FGF10: variants seen among roughly 807,000 people sequenced by gnomAD.
FGF10 encodes fibroblast growth factor 10.
In FGF10, 2 loss-of-function variants were observed where a neutral mutation model predicts 19.8. That is an observed-to-expected ratio of 0.10 (90% CI 0.04 to 0.32). The LOEUF (loss-of-function observed/expected upper bound fraction) is 0.32. Ranked by LOEUF, FGF10 falls within the 10% of genes least tolerant of loss-of-function variation. FGF10 has a pLI of 1.00. For synonymous variants in FGF10, 112 were observed against 94.0 expected (o/e 1.19, Z -1.10); for missense variants, 191 against 246.3 (o/e 0.78, Z 1.50).
At chr5:44,361,937 C>T (rs1277966271) in intron 1 of FGF10, among the ~76,000 whole-genome samples, 1 of 151,606 alleles carries the variant, frequency 6.6e-6, no homozygotes, top group Non-Finnish European at 1.5e-5. Flanking sequence ...TCAACTGCTC[C>T]CTTTACCAGA....
intron 1 of FGF10, among the ~76,000 whole-genome samples, chr5:44,379,588 A>G (rs1174467568): frequency 1.3e-5 from 2 of 152,176 alleles, no homozygotes; most frequent in Non-Finnish European, 2.9e-5. Flanking sequence ...CCTCTTTAGC[A>G]GGAACTGGGA....
rs17234015 is a variant in FGF10, at chr5:44,372,263, A to C, written c.325+16095T>G. Among the ~76,000 whole-genome samples the C allele has an allele frequency of 8.6e-5, 13 of 152,036 alleles. 1 individual carries two copies. In the East Asian group the frequency reaches 2.3e-3, roughly 27 times the overall value. ...TTCCTTGGCTCATGGCCTTACCACTATGTTGAAAGCCAACAGTGTAGCATC... is the reference window on the plus strand; with the variant it reads ...TTCCTTGGCTCATGGCCTTACCACTCTGTTGAAAGCCAACAGTGTAGCATC... On this transcript the variant is annotated intron_variant, in intron 1 of 2. Coordinates refer to ENST00000264664, the MANE Select transcript of FGF10 (RefSeq NM_004465.2).
intron 1 of FGF10, among the ~76,000 whole-genome samples, chr5:44,344,194 A>G (rs1741032764): frequency 6.6e-6 from 1 of 151,938 alleles, no homozygotes; most frequent in Non-Finnish European, 1.5e-5. Flanking sequence ...GAAAACACAG[A>G]AAAGCTGTCA....
At chr5:44,323,560 A>T in intron 1 of FGF10, among the ~76,000 whole-genome samples, 1 of 152,164 alleles carries the variant, frequency 6.6e-6, no homozygotes, top group East Asian at 1.9e-4. Context: ...TGATATTAGA[A>T]TCCAACATAT....
chr5:44,369,504 A>AAAG (rs1741697679), intron 1 of FGF10, among the ~76,000 whole-genome samples: 1 of 152,104 alleles, frequency 6.6e-6, no homozygotes, highest in African/African-American at 2.4e-5. Flanking sequence ...TCAATCCCTA[A>AAAG]AAGTTTGTTT....
At chr5:44,339,882 G>A (rs4866893) in intron 1 of FGF10, among the ~76,000 whole-genome samples, 81,840 of 151,956 alleles carry the variant, frequency 0.54, 24,083 homozygotes, top group Non-Finnish European at 0.67. Flanking sequence ...CTTATACATT[G>A]CTTTAAATTA....
At chr5:44,358,596 T>A (rs1293335833) in intron 1 of FGF10, among the ~76,000 whole-genome samples, 1 of 151,512 alleles carries the variant, frequency 6.6e-6, no homozygotes, top group East Asian at 1.9e-4. Flanking sequence ...GAGTGTCAAC[T>A]GATGTGGATT....
At chr5:44,362,328 C>T (rs541279427) in intron 1 of FGF10, among the ~76,000 whole-genome samples, 1 of 151,536 alleles carries the variant, frequency 6.6e-6, no homozygotes, top group Non-Finnish European at 1.5e-5. Context: ...GAATTGACAC[C>T]ATTCCTTTCC....
chr5:44,373,810 C>G (rs1741796741), intron 1 of FGF10, among the ~76,000 whole-genome samples: 2 of 152,142 alleles, frequency 1.3e-5, no homozygotes, highest in Admixed American at 1.3e-4. Flanking sequence ...TAACAGAAGT[C>G]TGTTTAAAGA....
At chr5:44,325,405 C>A (rs4410645) in intron 1 of FGF10, among the ~76,000 whole-genome samples, 63,060 of 151,614 alleles carry the variant, frequency 0.42, 13,923 homozygotes, top group African/African-American at 0.55. Context: ...AAAGGATTAT[C>A]AATCATGCTG....
rs187023425 is a variant in FGF10, at chr5:44,300,620, G to A, written c.*4375C>T. 6.6e-4 allele frequency among the ~76,000 whole-genome samples: 101 copies of A among 152,288 alleles called. No homozygotes were observed. The Middle Eastern group carries it at 0.01, about 15-fold the overall frequency. ...AACAGGTGAAGAATAATTGGAATTG[G>A]TGGGAAATATAGGAATAGAAAATGT... On this transcript the variant is annotated 3_prime_UTR_variant, in exon 3 of 3. Coordinates refer to ENST00000264664, the MANE Select transcript of FGF10 (RefSeq NM_004465.2).
chr5:44,382,021 T>C (rs1225843510), intron 1 of FGF10, among the ~76,000 whole-genome samples: 1 of 152,198 alleles, frequency 6.6e-6, no homozygotes, highest in Non-Finnish European at 1.5e-5. Context: ...AATTATTCAT[T>C]AATAATGCAC....
chr5:44,319,278 A>G (rs1740426775), intron 1 of FGF10, among the ~76,000 whole-genome samples: 1 of 152,224 alleles, frequency 6.6e-6, no homozygotes, highest in Admixed American at 6.5e-5. Flanking sequence ...ATTTTAATAA[A>G]TGATCAACAT....
chr5:44,347,481 A>G (rs1400809833), intron 1 of FGF10, among the ~76,000 whole-genome samples: 5 of 151,784 alleles, frequency 3.3e-5, no homozygotes, highest in Non-Finnish European at 7.4e-5. Flanking sequence ...ATCTTAGGGC[A>G]GTATGAATAG....
chr5:44,345,230 G>T (rs1741060819), intron 1 of FGF10, among the ~76,000 whole-genome samples: 2 of 151,536 alleles, frequency 1.3e-5, no homozygotes, highest in Admixed American at 1.3e-4. Context: ...ATATACTGCT[G>T]GAAAATAATG....
At chr5:44,342,581 A>C in intron 1 of FGF10, among the ~76,000 whole-genome samples, 1 of 151,862 alleles carries the variant, frequency 6.6e-6, no homozygotes, top group East Asian at 1.9e-4. Context: ...CGTATAGGTT[A>C]AGCACTCTAG....
chr5:44,382,695 CCTT>C (rs1466306164), intron 1 of FGF10, among the ~76,000 whole-genome samples: 1 of 152,028 alleles, frequency 6.6e-6, no homozygotes, highest in Non-Finnish European at 1.5e-5. Context: ...AGATTTAAAT[CCTT>C]CTGCATAAAT....
rs145362045 is a variant in FGF10, at chr5:44,347,725, C to CA, written c.326-37196dup. Among the ~76,000 whole-genome samples, 1,122 of 151,764 alleles carry CA rather than the reference C, an allele frequency of 7.4e-3. 15 individuals are homozygous for CA. The highest frequency in any genetic ancestry group is 0.026 in the African/African-American group (1,062 of 41,460). On this transcript the variant is annotated intron_variant, in intron 1 of 2. Coordinates refer to ENST00000264664, the MANE Select transcript of FGF10 (RefSeq NM_004465.2). ...CAGAGCAAAAGGTCTAGCTATAGCA[C>CA]AAAATAAGTGCTCAATCAATACTTG...
At chr5:44,365,482 C>T (rs1462190524) in intron 1 of FGF10, among the ~76,000 whole-genome samples, 1 of 151,870 alleles carries the variant, frequency 6.6e-6, no homozygotes, top group Non-Finnish European at 1.5e-5. Flanking sequence ...TTGCACCTCC[C>T]CTTTCTTGCT....
Sources: allele counts gnomAD v4.1 joint callset (sites outside exome capture counted in the v4.1 genomes callset), GRCh38; gene constraint gnomAD v4.1.1; transcripts MANE v1.5; gene names NCBI Gene and HGNC (gene_info 2026-07-23, HGNC 2026-07-21).